The following JAK1 variants were observed in gnomAD, a reference collection of about 807,000 sequenced individuals.
JAK1 encodes tyrosine-protein kinase JAK1.
In JAK1, 16 loss-of-function variants were observed where a neutral mutation model predicts 136.6. That is an observed-to-expected ratio of 0.12 (90% confidence interval 0.08 to 0.18). JAK1 has a LOEUF of 0.18. Among genes scored for constraint, JAK1 ranks in the 10% least tolerant of loss-of-function variants. JAK1 has a pLI of 1.00. For missense variants in JAK1, 859 were observed against 1,450.1 expected, an observed-to-expected ratio of 0.59 and a Z score of 6.62; for synonymous variants, 492 against 519.5, an observed-to-expected ratio of 0.95 and a Z score of 0.72.
chr1:64,947,281 T>TA (rs1035372350), intron 1 of JAK1, among the ~76,000 whole-genome samples: 6 of 152,224 alleles, frequency 3.9e-5, no homozygotes, highest in Non-Finnish European at 8.8e-5. Context: ...CATCTGTTTT[T>TA]ATCTCTCTAG....
At chr1:64,983,130 G>A (rs1646564852) in intron 2 of JAK1, among the ~76,000 whole-genome samples, 1 of 152,128 alleles carries the variant, frequency 6.6e-6, no homozygotes, top group South Asian at 2.1e-4. Context: ...GGGAGATCCA[G>A]CAACATAGGA....
At chr1:64,975,173 T>G (rs953992173) in intron 2 of JAK1, among the ~76,000 whole-genome samples, 1 of 152,038 alleles carries the variant, frequency 6.6e-6, no homozygotes, top group Admixed American at 6.6e-5. Flanking sequence ...GATCATAGTA[T>G]ACTACAGCCT....
At chr1:64,960,705 T>C (rs933449801) in intron 1 of JAK1, among the ~76,000 whole-genome samples, 5 of 152,228 alleles carry the variant, frequency 3.3e-5, no homozygotes, top group East Asian at 1.9e-4. Flanking sequence ...TTCTTTGAAT[T>C]TGTCTACAGA....
intron 4 of JAK1, chr1:64,875,869 G>C (rs1355333485): frequency 6.6e-6 from 1 of 152,186 alleles, no homozygotes; most frequent in Non-Finnish European, 1.5e-5. Context: ...TGCTCTTCAA[G>C]GGTAGAACAG....
In JAK1 at chr1:64,996,125, TA is replaced by T. The variant is rs1418229703; in HGVS notation, c.-78+48354del. Among the ~76,000 whole-genome samples the T allele has an allele frequency of 2.6e-5, 4 of 152,222 alleles. No homozygotes were observed. The East Asian group carries it at 7.7e-4, about 29-fold the overall frequency. ...ACAGTCACAAAACATAATGCTTGGT[TA>T]AAATTTTCCCAACCACATAAGCACA... On this transcript the variant is annotated intron_variant, in intron 2 of 25. Coordinates refer to the JAK1 transcript ENST00000671954.
chr1:65,046,380 A>G (rs917403548), intron 1 of JAK1, among the ~76,000 whole-genome samples: 1 of 152,236 alleles, frequency 6.6e-6, no homozygotes, highest in African/African-American at 2.4e-5. Flanking sequence ...AAACGGCTGG[A>G]AAGATGCCAA....
chr1:64,943,910 T>A (rs1204250209), intron 1 of JAK1, among the ~76,000 whole-genome samples: 2 of 149,722 alleles, frequency 1.3e-5, no homozygotes, highest in African/African-American at 4.9e-5. Flanking sequence ...ATCAAAAAAA[T>A]GAGTTCTCAA....
At chr1:64,955,536 GGA>G (rs1271352974) in intron 1 of JAK1, among the ~76,000 whole-genome samples, 4 of 152,184 alleles carry the variant, frequency 2.6e-5, no homozygotes, top group African/African-American at 9.7e-5. Context: ...GAGAGAAATA[GGA>G]GAGTATGCTA....
chr1:65,059,876 G>A (rs1278101866), intron 1 of JAK1, among the ~76,000 whole-genome samples: 1 of 152,078 alleles, frequency 6.6e-6, no homozygotes. Flanking sequence ...AATAAGTCAG[G>A]TAGATGAATC....
Position 64,975,027 on chromosome 1 carries a change from A to G in JAK1, c.-78+69453T>C, listed in dbSNP as rs377549441. On this transcript the variant is annotated intron_variant, in intron 2 of 25. Coordinates refer to the JAK1 transcript ENST00000671954. ...CAGGTTCAAGCAATTCTCCTGCCTCAGTCTCACAAGTAGCTGGGATTACAA... is the reference window on the plus strand; with the variant it reads ...CAGGTTCAAGCAATTCTCCTGCCTCGGTCTCACAAGTAGCTGGGATTACAA... 2.0e-4 allele frequency among the ~76,000 whole-genome samples: 31 copies of G among 151,788 alleles called. 5 individuals are homozygous for G. Among genetic ancestry groups the G allele is most frequent in the Admixed American group, 3.3e-4 (5 of 15,256 alleles).
At chr1:64,887,216 A>G (rs1253800477) in intron 1 of JAK1, among the ~76,000 whole-genome samples, 2 of 152,216 alleles carry the variant, frequency 1.3e-5, no homozygotes, top group Non-Finnish European at 2.9e-5. Flanking sequence ...TGCAGTGGGT[A>G]AGACTTAAGT....
chr1:64,927,969 G>T (rs1228358992), intron 1 of JAK1, among the ~76,000 whole-genome samples: 1 of 152,192 alleles, frequency 6.6e-6, no homozygotes, highest in East Asian at 1.9e-4. Flanking sequence ...ACCCCACTCA[G>T]ACAAGATGCT....
At position 64,984,623 on chromosome 1, in the gene JAK1, TCTC is replaced by T; in HGVS notation, c.-78+59854_-78+59856del. On this transcript the variant is annotated intron_variant, in intron 2 of 25. Transcript: ENST00000671954. This position sits in a 1 kb window ranked among gnomAD's most constrained non-coding sequence, Gnocchi z 4.1. ...GGCATGATTTAGACATTGGTGGTGGTCTCCTTAGCAGGCTGGATACTGTTCATC... is the reference window on the plus strand; with the variant it reads ...GGCATGATTTAGACATTGGTGGTGGTCTTAGCAGGCTGGATACTGTTCATC... The T allele has an allele frequency of 4.4e-6, 2 of 451,622 alleles. No homozygotes were observed. The highest frequency in any genetic ancestry group is 8.5e-6 in the Non-Finnish European group (2 of 235,428). 28.0% of individuals were successfully genotyped at this position (451,622 alleles called of 1,614,324 possible).
intron 1 of JAK1, among the ~76,000 whole-genome samples, chr1:64,924,673 T>C (rs1645552484): frequency 6.6e-6 from 1 of 152,160 alleles, no homozygotes; most frequent in Non-Finnish European, 1.5e-5. Context: ...TGTTCTGAAG[T>C]AACAGAAAAA....
At chr1:64,905,689 G>A (rs1645179119) in intron 1 of JAK1, among the ~76,000 whole-genome samples, 1 of 152,092 alleles carries the variant, frequency 6.6e-6, no homozygotes, top group African/African-American at 2.4e-5. Flanking sequence ...ACTTTCAGAA[G>A]AAAAATCAAG....
chr1:64,984,756 A>C lies in JAK1; in HGVS notation c.-78+59724T>G, dbSNP rs557318111. 4.0e-5 allele frequency: 38 copies of C among 955,500 alleles called. No homozygotes were observed. The highest frequency in any genetic ancestry group is 1.3e-4 in the Admixed American group (6 of 46,470). The allele number at this position is 955,500 out of a possible 1,614,324, so 59.2% of individuals were successfully genotyped here. ...GTAACACATCTCAGGGACTTTGAAG[A>C]AGGTAAAGATCAAGAAGGTAATGAG... On this transcript the variant is annotated intron_variant, in intron 2 of 25. Transcript: ENST00000671954. This position sits in a 1 kb window ranked among gnomAD's most constrained non-coding sequence, Gnocchi z 4.1.
chr1:64,958,063 A>T (rs925309487), intron 1 of JAK1, among the ~76,000 whole-genome samples: 1 of 152,214 alleles, frequency 6.6e-6, no homozygotes, highest in Non-Finnish European at 1.5e-5. Flanking sequence ...TGTTTTTTCA[A>T]CTAGCAAGGA....
intron 9 of JAK1, among the ~76,000 whole-genome samples, chr1:64,858,377 G>A (rs1656077510): frequency 6.6e-6 from 1 of 152,020 alleles, no homozygotes; most frequent in Admixed American, 6.6e-5. Flanking sequence ...GTGCTGGTGA[G>A]AGAGGGCCGC....
At chr1:64,884,834 G>A (rs1644827829) in intron 2 of JAK1, among the ~76,000 whole-genome samples, 1 of 152,154 alleles carries the variant, frequency 6.6e-6, no homozygotes, top group South Asian at 2.1e-4. Context: ...CTAGCCACAG[G>A]AAATTTAAGC....
Sources: gnomAD v4.1 joint callset for allele counts (sites outside exome capture counted in the v4.1 genomes callset) on GRCh38, gnomAD v4.1.1 for gene constraint, Gnocchi (gnomAD v3.1) non-coding constraint, MANE v1.5 for transcripts, NCBI Gene and HGNC (gene_info 2026-07-23, HGNC 2026-07-21) for gene names.